Variants in NRG3 observed in about 807,000 individuals in gnomAD.
NRG3 encodes neuregulin 3, also known as pro-neuregulin-3, membrane-bound isoform.
NRG3 carries 31 observed loss-of-function variants against 66.9 expected under a neutral mutation model. The observed-to-expected ratio is 0.46, with a 90% CI of 0.35 to 0.63. The LOEUF (loss-of-function observed/expected upper bound fraction) is 0.63, where lower values mean the gene tolerates loss of function less well. Ranked by LOEUF, NRG3 falls within the 20% of genes least tolerant of loss-of-function variation. The pLI is 0.00. For missense variants in NRG3, 910 were observed against 878.9 expected, an observed-to-expected ratio of 1.04 and a Z score of -0.45; for synonymous variants, 393 against 359.4, an observed-to-expected ratio of 1.09 and a Z score of -1.06.
chr10:82,474,124 T>C (rs1841537980), intron 2 of NRG3, among the ~76,000 whole-genome samples: 1 of 152,016 alleles, frequency 6.6e-6, no homozygotes, highest in Admixed American at 6.6e-5. Context: ...TTCTTCTGCA[T>C]GGACTATGTG....
chr10:82,672,740 T>C (rs910333631), intron 2 of NRG3, among the ~76,000 whole-genome samples: 1 of 152,184 alleles, frequency 6.6e-6, no homozygotes, highest in African/African-American at 2.4e-5. Context: ...TCTGCATGGT[T>C]TTTTTGTTCG....
chr10:82,370,354 C>G (rs116905379), intron 2 of NRG3, among the ~76,000 whole-genome samples: 2 of 137,776 alleles, frequency 1.5e-5, no homozygotes, highest in Admixed American at 6.8e-5. Context: ...CCAGTCACCC[C>G]CTGCTGAACT....
intron 2 of NRG3, among the ~76,000 whole-genome samples, chr10:82,608,809 A>G (rs1029588654): frequency 1.3e-5 from 2 of 152,080 alleles, no homozygotes; most frequent in Non-Finnish European, 2.9e-5. Flanking sequence ...TGTATTTCAA[A>G]TGGCTACTTC....
Position 82,106,856 on chromosome 10 carries a change from T to C in NRG3, c.823+230693T>C, listed in dbSNP as rs533882046. Among the ~76,000 whole-genome samples the C allele has an allele frequency of 2.0e-5, 3 of 152,252 alleles. No individual in the cohort carries two copies. In the South Asian group the frequency reaches 6.2e-4, roughly 32 times the overall value. ...ATCTACAAAAATATTTCTGAGAAGA[T>C]GCACTCTGCTATAAGGTATCTTGCA... On this transcript the variant is annotated intron_variant, in intron 1 of 8. Transcript: ENST00000372141.
At chr10:82,322,520 A>C (rs533076752) in intron 1 of NRG3, among the ~76,000 whole-genome samples, 24 of 152,002 alleles carry the variant, frequency 1.6e-4, no homozygotes, top group Non-Finnish European at 3.1e-4. Flanking sequence ...TATTAAAAGG[A>C]TTATGTTCCA....
At chr10:82,766,525 G>T (rs543095817) in intron 3 of NRG3, among the ~76,000 whole-genome samples, 3 of 152,262 alleles carry the variant, frequency 2.0e-5, no homozygotes, top group Admixed American at 2.0e-4. Context: ...CTTGAGGTTG[G>T]TTGGGCTAGT....
chr10:82,037,186 T>G (rs1442418459), intron 1 of NRG3, among the ~76,000 whole-genome samples: 6 of 152,160 alleles, frequency 3.9e-5, no homozygotes, highest in Non-Finnish European at 7.4e-5. Flanking sequence ...AGCTTCTGGA[T>G]GGAGTCAGAC....
At chr10:82,215,520 G>A (rs1431363169) in intron 1 of NRG3, among the ~76,000 whole-genome samples, 2 of 152,232 alleles carry the variant, frequency 1.3e-5, no homozygotes, top group East Asian at 3.9e-4. Context: ...ATGTGTGTGT[G>A]TGCACATGAA....
intron 3 of NRG3, among the ~76,000 whole-genome samples, chr10:82,852,324 A>G (rs2063599331): frequency 6.6e-6 from 1 of 152,126 alleles, no homozygotes; most frequent in African/African-American, 2.4e-5. Flanking sequence ...GGAGAACAGT[A>G]GGACAAATAC....
At chr10:82,026,160 A>C (rs953713080) in intron 1 of NRG3, among the ~76,000 whole-genome samples, 22 of 152,032 alleles carry the variant, frequency 1.4e-4, no homozygotes, top group African/African-American at 5.3e-4. Flanking sequence ...CCCCATAACA[A>C]TACTAGCTTT....
At chr10:82,930,737 G>C (rs146256333) in intron 4 of NRG3, among the ~76,000 whole-genome samples, 1 of 152,258 alleles carries the variant, frequency 6.6e-6, no homozygotes, top group Non-Finnish European at 1.5e-5. Flanking sequence ...TAAAAAATGA[G>C]TGGAGTGATT....
intron 2 of NRG3, among the ~76,000 whole-genome samples, chr10:82,635,648 T>C (rs1476614205): frequency 1.3e-5 from 2 of 152,164 alleles, no homozygotes; most frequent in East Asian, 3.9e-4. Context: ...CTAAATACAT[T>C]TTTTGGTTTG....
chr10:82,014,286 A>G (rs892629510), intron 1 of NRG3, among the ~76,000 whole-genome samples: 15 of 152,290 alleles, frequency 9.8e-5, no homozygotes, highest in African/African-American at 3.6e-4. Flanking sequence ...TTTCTGTGAT[A>G]GAGGTACTGT....
rs565245539 is a variant in NRG3 at position 82,595,665 on chromosome 10, G to T, written c.954-142912G>T. ...CCAGGCACGGTGGTGGGCGCCTGTA[G>T]TCCCAGCTACTCGGGAGGTTGAGGC... On this transcript the variant is annotated intron_variant, in intron 2 of 8. Transcript: ENST00000372141. Among the ~76,000 whole-genome samples the T allele has an allele frequency of 4.6e-5, 7 of 151,914 alleles. No individual in the cohort carries two copies. The South Asian group carries it at 6.3e-4, about 14-fold the overall frequency.
intron 2 of NRG3, among the ~76,000 whole-genome samples, chr10:82,528,234 A>C (rs771421896): frequency 8.5e-5 from 13 of 152,158 alleles, no homozygotes; most frequent in Non-Finnish European, 1.6e-4. Flanking sequence ...AAGCTTGGTA[A>C]GAGAGGACAT....
At chr10:82,269,836 C>G (rs2078497870) in intron 1 of NRG3, among the ~76,000 whole-genome samples, 1 of 152,100 alleles carries the variant, frequency 6.6e-6, no homozygotes, top group South Asian at 2.1e-4. Flanking sequence ...GCTGATGCTG[C>G]TGGTCCAAGG....
intron 1 of NRG3, among the ~76,000 whole-genome samples, chr10:82,295,901 A>G (rs966261037): frequency 9.0e-6 from 1 of 110,740 alleles, no homozygotes; most frequent in African/African-American, 6.9e-5. Context: ...CAAAAGTAAA[A>G]AAGGACAAAA....
At chr10:81,913,895 A>G (rs1258601925) in intron 1 of NRG3, among the ~76,000 whole-genome samples, 1 of 152,256 alleles carries the variant, frequency 6.6e-6, no homozygotes, top group Non-Finnish European at 1.5e-5. Context: ...TGTTTAAAAT[A>G]TATTTCAGCT....
chr10:82,342,961 G>A (rs991339584), intron 1 of NRG3, among the ~76,000 whole-genome samples: 3 of 151,930 alleles, frequency 2.0e-5, no homozygotes, highest in Non-Finnish European at 4.4e-5. Flanking sequence ...AAGAGATATG[G>A]GTATGGTTTC....
Sources: allele counts gnomAD v4.1 joint callset (sites outside exome capture counted in the v4.1 genomes callset), GRCh38; gene constraint gnomAD v4.1.1; transcripts MANE v1.5; gene names NCBI Gene and HGNC (gene_info 2026-07-23, HGNC 2026-07-21).